The following MYOM2 variants were observed in gnomAD, a reference collection of about 807,000 sequenced individuals.
The protein encoded by MYOM2 is myomesin 2, also known as myomesin-2.
A neutral mutation model predicts 187.6 loss-of-function variants in MYOM2; 254 were observed. The observed-to-expected ratio is 1.35, with a 90% CI of 1.22 to 1.50. The LOEUF is 1.50. Among genes scored for constraint, MYOM2 ranks in the 40% most tolerant of loss-of-function variants. MYOM2 has a pLI of 0.00. For missense variants in MYOM2, 2,796 were observed against 1,924.0 expected (o/e 1.45, Z -8.48); for synonymous variants, 981 against 753.8 (o/e 1.30, Z -4.94).
At chr8:2,128,038 T>G (rs536843277) in intron 31 of MYOM2, among the ~76,000 whole-genome samples, 2 of 152,336 alleles carry the variant, frequency 1.3e-5, no homozygotes, top group African/African-American at 4.8e-5. Context: ...TTTTATAATT[T>G]TCTTTGTTTT....
chr8:2,082,577 G>C (rs1819666292), intron 13 of MYOM2, among the ~76,000 whole-genome samples: 1 of 152,104 alleles, frequency 6.6e-6, no homozygotes, highest in South Asian at 2.1e-4. Context: ...CATTTGAATG[G>C]CTATCCATGC....
In MYOM2 at chr8:2,090,031, G is replaced by A. The variant is rs201558938; in HGVS notation, c.1668G>A (p.Trp556Ter). ...AGTCCGTGGTGGGGAGCGGCAGCTG[G>A]CAGAGAGTCAACGCCCAGACGGCTG... ...IEKSVVGSGS[W>*]QRVNAQTAVR... Residue 556 changes from tryptophan (W) to a stop codon, truncating the protein, a stop_gained, in exon 15 of 37, where the codon TGG (tryptophan) becomes TGA (stop). Coordinates refer to ENST00000262113, the MANE Select transcript of MYOM2 (RefSeq NM_003970.4). LOFTEE classifies it high-confidence loss of function. 2.1e-5 allele frequency: 34 copies of A among 1,613,908 alleles called. No individual in the cohort carries two copies. The Admixed American group carries it at 4.3e-4, about 21-fold the overall frequency.
Position 2,100,844 on chromosome 8 carries a change from G to A in MYOM2, c.2441-32G>A, listed in dbSNP as rs200033961. On this transcript the variant is annotated intron_variant, in intron 19 of 36. Transcript: ENST00000262113. ...GGTGGGTGTGCTGGACTGGCTATGC[G>A]CGCAGAAACAAGGTGGCATCTGACT... 739 of 1,612,262 alleles carry A rather than the reference G, an allele frequency of 4.6e-4. 4 individuals are homozygous for A. The African/African-American group carries it at 8.9e-3, about 19-fold the overall frequency.
chr8:2,103,980 T>C (rs1796808358), intron 21 of MYOM2, among the ~76,000 whole-genome samples: 1 of 152,162 alleles, frequency 6.6e-6, no homozygotes, highest in Non-Finnish European at 1.5e-5. Context: ...GGATGGCAAA[T>C]GAAGTATGCA....
At chr8:2,142,733 C>T (rs1451848455) in intron 35 of MYOM2, among the ~76,000 whole-genome samples, 9 of 964 alleles carry the variant, frequency 9.3e-3, no homozygotes, top group Non-Finnish European at 9.3e-3. Flanking sequence ...TCCCTCCCTT[C>T]CTCCCTTCCT....
At chr8:2,142,621 C>A (rs544663592) in intron 35 of MYOM2, among the ~76,000 whole-genome samples, 1 of 152,022 alleles carries the variant, frequency 6.6e-6, no homozygotes, top group South Asian at 2.1e-4. Flanking sequence ...TGGACACCCT[C>A]CCTCCCTCCT....
At chr8:2,073,888 C>T (rs1192121487) in intron 10 of MYOM2, among the ~76,000 whole-genome samples, 2 of 152,204 alleles carry the variant, frequency 1.3e-5, no homozygotes, top group Non-Finnish European at 2.9e-5. Flanking sequence ...CCTTACTCTC[C>T]TGCCAGCGAC....
intron 12 of MYOM2, 125 bp downstream of exon 12, chr8:2,079,058 G>A: frequency 3.4e-6 from 3 of 872,768 alleles, no homozygotes; most frequent in Non-Finnish European, 5.4e-6. Context: ...GCAGAGCATA[G>A]CACAGGCTGT....
intron 16 of MYOM2, among the ~76,000 whole-genome samples, chr8:2,093,704 A>T (rs1796383831): frequency 6.6e-6 from 1 of 152,224 alleles, no homozygotes; most frequent in South Asian, 2.1e-4. Context: ...CCTCTGATCC[A>T]GAGGAGGCCC....
intron 12 of MYOM2, 42 bp from the exon 13 acceptor site, chr8:2,079,518 A>C (rs1286604777): frequency 3.7e-6 from 6 of 1,608,018 alleles, no homozygotes; most frequent in Non-Finnish European, 5.1e-6. Context: ...TTTTGGGGAA[A>C]ACTTCGCATG....
At chr8:2,054,003 G>A (rs559042733) in intron 3 of MYOM2, among the ~76,000 whole-genome samples, 57 of 152,326 alleles carry the variant, frequency 3.7e-4, no homozygotes, top group African/African-American at 8.9e-4. Context: ...CTCTATCACC[G>A]TCATGCAGAA....
At chr8:2,065,336 C>T (rs758062430) in intron 6 of MYOM2, among the ~76,000 whole-genome samples, 18 of 152,050 alleles carry the variant, frequency 1.2e-4, no homozygotes, top group Non-Finnish European at 2.1e-4. Context: ...GTTGGGAGGC[C>T]GAGGCAGGTG....
chr8:2,073,566 G>A, intron 10 of MYOM2, 66 bp downstream of exon 10: 1 of 1,506,512 alleles, frequency 6.6e-7, no homozygotes, highest in Non-Finnish European at 8.8e-7. Flanking sequence ...GCAGCCCTGG[G>A]AGGAGGGAGG....
chr8:2,074,494 G>A (rs745851372), intron 10 of MYOM2, among the ~76,000 whole-genome samples: 10 of 151,880 alleles, frequency 6.6e-5, no homozygotes, highest in South Asian at 2.1e-4. Context: ...ACACTCTGTC[G>A]CCCAGGCTGG....
rs555937981 is a variant in MYOM2, at chr8:2,069,404, C to A, written c.742+38C>A. On this transcript the variant is annotated intron_variant, in intron 7 of 36. Transcript: ENST00000262113. ...TGGGCTTTCACGGGGCACCTCCCGC[C>A]TCCTTTTCTCTTTTCTGCTGCACTC... 3 of 1,613,968 alleles carry A rather than the reference C, an allele frequency of 1.9e-6. No individual in the cohort carries two copies. In the African/African-American group the frequency reaches 4.0e-5, roughly 22 times the overall value.
In MYOM2 at chr8:2,057,511, G is replaced by A. The variant is rs200359176; in HGVS notation, c.402+25G>A. On this transcript the variant is annotated intron_variant, in intron 4 of 36. Transcript: ENST00000262113. The stretch of plus-strand genomic sequence containing the variant: ...GGTAGGAGGGTCTCAGGGTGGCTGG[G>A]TGTCTGGGAAGCGTGGACTAGATCT... 1.0e-4 allele frequency: 167 copies of A among 1,613,736 alleles called. 1 individual carries two copies. Among genetic ancestry groups the A allele is most frequent in the Non-Finnish European group, 1.2e-4 (137 of 1,179,772 alleles).
At chr8:2,114,754 G>A (rs190682997) in intron 25 of MYOM2, among the ~76,000 whole-genome samples, 1 of 152,182 alleles carries the variant, frequency 6.6e-6, no homozygotes, top group Non-Finnish European at 1.5e-5. Context: ...ACAGGTGTGA[G>A]CCACTGCACC....
intron 13 of MYOM2, among the ~76,000 whole-genome samples, chr8:2,080,920 T>C (rs1219528614): frequency 3.0e-5 from 4 of 133,172 alleles, no homozygotes; most frequent in Middle Eastern, 4.7e-3. Flanking sequence ...GGTTCTGGCC[T>C]GCGGGAGGAA....
Position 2,106,319 on chromosome 8 carries a change from G to C in MYOM2, c.2812G>C (p.Ala938Pro), listed in dbSNP as rs61733861. The change falls in exon 22 of 37, where the codon GCG becomes CCG. Residue 938 changes from alanine to proline, a missense_variant. Ala to Pro is a conservative substitution (Grantham distance 27). Coordinates refer to ENST00000262113, the MANE Select transcript of MYOM2 (RefSeq NM_003970.4). Reference sequence around the variant, plus strand: ...CTTCGACTGCCAGGAAATGACAGACGCGTCTCAGTTCACCTGGTGTAAATC... The same window carrying C: ...CTTCGACTGCCAGGAAATGACAGACCCGTCTCAGTTCACCTGGTGTAAATC... Reference protein sequence around the residue: ...LGFDCQEMTDASQFTWCKSYE... With the variant: ...LGFDCQEMTDPSQFTWCKSYE... The C allele has an allele frequency of 6.2e-7, 1 of 1,614,144 alleles. No individual in the cohort carries two copies. The highest frequency in any genetic ancestry group is 1.1e-5 in the South Asian group (1 of 91,078).
Sources: gnomAD v4.1 joint callset for allele counts (sites outside exome capture counted in the v4.1 genomes callset) on GRCh38, gnomAD v4.1.1 for gene constraint, MANE v1.5 for transcripts, NCBI Gene and HGNC (gene_info 2026-07-23, HGNC 2026-07-21) for gene names.